The following DOCK2 variants were observed in gnomAD, a reference collection of about 807,000 sequenced individuals.
The protein encoded by DOCK2 is dedicator of cytokinesis 2, also known as dedicator of cytokinesis protein 2.
DOCK2 carries 87 observed loss-of-function variants against 248.9 expected under a neutral mutation model. The ratio of observed to expected loss-of-function variants is 0.35; its 90% CI spans 0.29 to 0.42. The LOEUF (loss-of-function observed/expected upper bound fraction) is 0.42, where lower values mean the gene tolerates loss of function less well. DOCK2 is among the 10% of genes least tolerant of loss of function. The pLI is 1.00. For missense variants in DOCK2, 1,747 were observed against 2,300.2 expected, an observed-to-expected ratio of 0.76 and a Z score of 4.92; for synonymous variants, 805 against 821.6, an observed-to-expected ratio of 0.98 and a Z score of 0.35.
At chr5:169,724,307 G>A (rs963700477) in intron 22 of DOCK2, among the ~76,000 whole-genome samples, 2 of 152,186 alleles carry the variant, frequency 1.3e-5, no homozygotes, top group African/African-American at 2.4e-5. Flanking sequence ...ATGAGCTGGA[G>A]CAGGAGTGGT....
rs886306891 is a variant in DOCK2 at position 170,014,644 on chromosome 5, G to T, written c.3233-4316G>T. 1.6e-3 allele frequency among the ~76,000 whole-genome samples: 207 copies of T among 126,776 alleles called. 1 individual carries two copies. Among genetic ancestry groups the T allele is most frequent in the Middle Eastern group, 4.4e-3 (1 of 228 alleles). 83.2% of individuals were successfully genotyped at this position (126,776 alleles called of 152,430 possible). A position where few individuals can be genotyped will look rare whatever the true frequency, so the allele number is the denominator to read the frequency against. Reference sequence around the variant, plus strand: ...ACTTGCAGAGACATGTGTTGGGGGGGGTAGACTATGGAGGGGGGGTCCAGG... The same window carrying T: ...ACTTGCAGAGACATGTGTTGGGGGGTGTAGACTATGGAGGGGGGGTCCAGG... On this transcript the variant is annotated intron_variant, in intron 32 of 51. Coordinates refer to ENST00000520908, the MANE Select transcript of DOCK2 (RefSeq NM_004946.3).
At chr5:169,641,647 T>A (rs1757158931) in intron 1 of DOCK2, among the ~76,000 whole-genome samples, 1 of 152,218 alleles carries the variant, frequency 6.6e-6, no homozygotes, top group South Asian at 2.1e-4. Flanking sequence ...GGGCTTGAAC[T>A]GAGGCAACCC....
At chr5:169,781,490 G>A (rs1299639643) in intron 25 of DOCK2, among the ~76,000 whole-genome samples, 5 of 152,196 alleles carry the variant, frequency 3.3e-5, no homozygotes, top group African/African-American at 1.2e-4. Context: ...CTGACAGTCA[G>A]CCAGTCTCTG....
chr5:169,811,932 C>T (rs1241088968), intron 26 of DOCK2, among the ~76,000 whole-genome samples: 1 of 152,218 alleles, frequency 6.6e-6, no homozygotes, highest in African/African-American at 2.4e-5. Flanking sequence ...GTATCCATTC[C>T]ACAAATATTT....
chr5:169,675,924 A>G (rs931319903), intron 6 of DOCK2, among the ~76,000 whole-genome samples: 1 of 152,234 alleles, frequency 6.6e-6, no homozygotes, highest in African/African-American at 2.4e-5. Context: ...AAGCGTGTCC[A>G]AATCTGCTTA....
At chr5:170,023,959 A>G (rs1266977444) in intron 33 of DOCK2, among the ~76,000 whole-genome samples, 2 of 152,266 alleles carry the variant, frequency 1.3e-5, no homozygotes, top group Non-Finnish European at 2.9e-5. Context: ...GATATTCTAA[A>G]GCAGCCAGGA....
At chr5:170,026,065 G>A (rs374451129) in intron 33 of DOCK2, among the ~76,000 whole-genome samples, 51 of 152,074 alleles carry the variant, frequency 3.4e-4, no homozygotes, top group East Asian at 2.7e-3. Context: ...GCAACTCACC[G>A]GAAATTCTTT....
At chr5:169,899,058 C>T (rs261060) in intron 27 of DOCK2, among the ~76,000 whole-genome samples, 32,080 of 152,090 alleles carry the variant, frequency 0.21, 5,051 homozygotes, top group African/African-American at 0.44. Context: ...CTTCCTAATA[C>T]ATAAAGTGCA....
rs1330058560 is a variant in DOCK2 at position 170,027,925 on chromosome 5, G to A, written c.3444G>A (p.Gln1148=). ...TAGAAGGGGGCCGAGGCGACGAGCAGTACATGCAGCTCCTGGAGTCAATGT... is the reference window on the plus strand; with the variant it reads ...TAGAAGGGGGCCGAGGCGACGAGCAATACATGCAGCTCCTGGAGTCAATGT... ...HEVEGGRGDE[Q]YMQLLESILM... Residue 1148 remains glutamine (Q), a synonymous_variant, in exon 34 of 52, where the codon CAG becomes CAA. Transcript: ENST00000520908. 3.7e-6 allele frequency: 6 copies of A among 1,613,312 alleles called. No homozygotes were observed. In the Admixed American group the frequency reaches 5.0e-5, roughly 13 times the overall value.
intron 22 of DOCK2, among the ~76,000 whole-genome samples, chr5:169,719,365 A>G (rs950275233): frequency 8.5e-5 from 13 of 152,214 alleles, no homozygotes; most frequent in African/African-American, 3.1e-4. Context: ...AGAACAATTC[A>G]TGTTCATCTT....
chr5:169,888,535 T>C (rs548261272), intron 27 of DOCK2, among the ~76,000 whole-genome samples: 17 of 152,298 alleles, frequency 1.1e-4, no homozygotes, highest in African/African-American at 4.1e-4. Flanking sequence ...TACAGAAACA[T>C]TGGACAATAT....
At chr5:169,841,502 C>T in intron 27 of DOCK2, 1 of 959,224 alleles carries the variant, frequency 1.0e-6, no homozygotes, top group Non-Finnish European at 1.2e-6. Context: ...ATGAGTATGC[C>T]CAACCATGTC....
chr5:169,906,153 A>G (rs898516787), intron 27 of DOCK2, among the ~76,000 whole-genome samples: 1 of 152,180 alleles, frequency 6.6e-6, no homozygotes, highest in African/African-American at 2.4e-5. Flanking sequence ...GTAAATCCTC[A>G]ATGAGCGATT....
intron 27 of DOCK2, among the ~76,000 whole-genome samples, chr5:169,938,307 T>C (rs770805628): frequency 6.6e-6 from 1 of 151,450 alleles, no homozygotes; most frequent in Non-Finnish European, 1.5e-5. Flanking sequence ...CACTTAAGGA[T>C]GGGGATATGT....
In DOCK2 at chr5:169,978,390, TGTGG is replaced by T. The variant is rs1482402151; in HGVS notation, c.2800-4676_2800-4673del. Among the ~76,000 whole-genome samples the T allele has an allele frequency of 2.4e-3, 40 of 16,584 alleles. 1 individual carries two copies. The highest frequency in any genetic ancestry group is 4.8e-3 in the East Asian group (5 of 1,038). The allele number at this position is 16,584 out of a possible 152,430, so 10.9% of individuals were successfully genotyped here. On this transcript the variant is annotated intron_variant, in intron 27 of 51. Coordinates refer to ENST00000520908, the MANE Select transcript of DOCK2 (RefSeq NM_004946.3). ...GGCTCTGTGTATGTGTGTGTGTGTG[TGTGG>T]GGGGGGGGGGGTGTAGGTGTGTTTG... is the stretch of plus-strand genomic sequence containing the variant.
chr5:169,825,585 G>T (rs1243571435), intron 26 of DOCK2, among the ~76,000 whole-genome samples: 1 of 140,288 alleles, frequency 7.1e-6, no homozygotes. Context: ...ACACTTGGAC[G>T]CAGGGCGGGG....
intron 27 of DOCK2, among the ~76,000 whole-genome samples, chr5:169,844,588 T>C (rs149297062): frequency 6.6e-6 from 1 of 152,224 alleles, no homozygotes; most frequent in African/African-American, 2.4e-5. Flanking sequence ...CCCAGCAATG[T>C]TTGAGGTTTT....
intron 22 of DOCK2, among the ~76,000 whole-genome samples, chr5:169,742,109 C>T (rs776534916): frequency 1.1e-4 from 17 of 152,152 alleles, no homozygotes; most frequent in Non-Finnish European, 2.2e-4. Context: ...AGCCACTGCG[C>T]CCAGCCCTTT....
In DOCK2 at chr5:169,702,388, C is replaced by T; in HGVS notation, c.1344C>T (p.Val448=). The T allele has an allele frequency of 6.2e-7, 1 of 1,613,954 alleles. No homozygotes were observed. Among genetic ancestry groups the T allele is most frequent in the Non-Finnish European group, 8.5e-7 (1 of 1,179,888 alleles). ...YNKTTQRNVE[V]IMCVCAEDGK... is the part of the protein sequence containing the mutation. ...AGACCACACAGAGGAATGTGGAAGT[C>T]ATCATGTGTGTGTGCGCGGAGGATG... Residue 448 remains valine, a synonymous_variant, in exon 14 of 52, where the codon GTC becomes GTT. Transcript: ENST00000520908.
Sources: allele counts gnomAD v4.1 joint callset (sites outside exome capture counted in the v4.1 genomes callset), GRCh38; gene constraint gnomAD v4.1.1; transcripts MANE v1.5; gene names NCBI Gene and HGNC (gene_info 2026-07-23, HGNC 2026-07-21).